Variants in SLC14A2 observed in about 807,000 individuals in gnomAD.
SLC14A2 encodes the protein urea transporter 2.
SLC14A2 carries 91 observed loss-of-function variants against 104.6 expected under a neutral mutation model. The observed-to-expected ratio is 0.87, with a 90% CI of 0.73 to 1.04. The LOEUF (loss-of-function observed/expected upper bound fraction) is 1.04. Ranked by LOEUF, SLC14A2 falls within the 50% of genes least tolerant of loss-of-function variation. SLC14A2 has a pLI of 0.00. For synonymous variants in SLC14A2, 476 were observed against 466.4 expected, an observed-to-expected ratio of 1.02 and a Z score of -0.27; for missense variants, 1,189 against 1,156.0, an observed-to-expected ratio of 1.03 and a Z score of -0.41.
Position 45,406,254 on chromosome 18 carries a change from G to A in SLC14A2, c.-124-76979G>A, listed in dbSNP as rs144081720. 1.4e-3 allele frequency among the ~76,000 whole-genome samples: 215 copies of A among 152,308 alleles called. 1 individual carries two copies. The highest frequency in any genetic ancestry group is 5.1e-3 in the African/African-American group (210 of 41,558). ...GTTCACAGTATCTCCACTAGGAGTA[G>A]ATTCCATCTCAAGGAACCACTTTCT... On this transcript the variant is annotated intron_variant, in intron 1 of 20. Coordinates refer to the SLC14A2 transcript ENST00000586448.
chr18:45,218,582 T>C (rs546134355), intron 1 of SLC14A2, among the ~76,000 whole-genome samples: 46 of 152,294 alleles, frequency 3.0e-4, no homozygotes, highest in Non-Finnish European at 1.9e-4. Flanking sequence ...CCACCAGAAA[T>C]AGCATTTCCT....
At chr18:45,350,848 A>T (rs998300026) in intron 1 of SLC14A2, among the ~76,000 whole-genome samples, 1 of 152,142 alleles carries the variant, frequency 6.6e-6, no homozygotes, top group African/African-American at 2.4e-5. Context: ...CAATATTTTT[A>T]CTGTTTAGGT....
chr18:45,656,077 A>C (rs1246767662), intron 10 of SLC14A2, among the ~76,000 whole-genome samples: 1 of 152,234 alleles, frequency 6.6e-6, no homozygotes, highest in East Asian at 1.9e-4. Context: ...GTTTCATTAG[A>C]TTGGAATGTA....
upstream of SLC14A2, among the ~76,000 whole-genome samples, chr18:45,613,322 A>T (rs2144458662): frequency 1.3e-5 from 2 of 152,284 alleles, 1 homozygote; most frequent in South Asian, 4.1e-4. Context: ...GCGCCTGGCC[A>T]GCAGTTTTTA....
chr18:45,628,943 C>T (rs1048802107), intron 4 of SLC14A2, among the ~76,000 whole-genome samples: 3 of 152,182 alleles, frequency 2.0e-5, no homozygotes, highest in African/African-American at 7.2e-5. Flanking sequence ...GTGAAGGGAA[C>T]AGAGTCCACA....
chr18:45,341,371 C>T (rs947072849), intron 1 of SLC14A2, among the ~76,000 whole-genome samples: 2 of 152,158 alleles, frequency 1.3e-5, no homozygotes, highest in Admixed American at 1.3e-4. Context: ...ACCTCATTTG[C>T]AGTCATGCAC....
chr18:45,679,019 T>C lies in SLC14A2; in HGVS notation c.2557T>C (p.Ser853Pro), dbSNP rs2046273220. 6.2e-7 allele frequency: 1 copy of C among 1,612,496 alleles called. No individual in the cohort carries two copies. Among genetic ancestry groups the C allele is most frequent in the Non-Finnish European group, 8.5e-7 (1 of 1,179,716 alleles). The change falls in exon 19 of 20, where the codon TCT becomes CCT. Residue 853 changes from serine (S) to proline (P), a missense_variant. Coordinates refer to ENST00000255226, the MANE Select transcript of SLC14A2 (RefSeq NM_007163.4). The stretch of plus-strand genomic sequence containing the variant: ...GGGTGCTGCCCTGGCTAACATGTTA[T>C]CTGTGGTGAGTCAACACAGGCTCAG... ...YLGAALANMLSVFGLPPCTWP... is the reference protein window; with the variant it reads ...YLGAALANMLPVFGLPPCTWP...
chr18:45,425,917 G>C (rs1381261149), intron 1 of SLC14A2, among the ~76,000 whole-genome samples: 1 of 151,964 alleles, frequency 6.6e-6, no homozygotes, highest in Admixed American at 6.6e-5. Flanking sequence ...GCTGTGTGCT[G>C]TCCCCGACTT....
chr18:45,438,042 C>T (rs1334581473), intron 1 of SLC14A2: 1 of 152,172 alleles, frequency 6.6e-6, no homozygotes, highest in Admixed American at 6.5e-5. Context: ...ATATGAGGGT[C>T]TGTGCTTGGA....
rs1272464585 is a variant in SLC14A2, at chr18:45,632,491, A to AT, written c.650+19dup. On this transcript the variant is annotated intron_variant, in intron 5 of 19. Transcript: ENST00000255226. ...CAGCCATGTCCTGGTGAGGCACCTC[A>AT]TTTTTTCTGCTCACAGCTCCATGGG... 5.0e-6 allele frequency: 8 copies of AT among 1,612,222 alleles called. No homozygotes were observed. Among genetic ancestry groups the AT allele is most frequent in the Non-Finnish European group, 6.8e-6 (8 of 1,179,274 alleles).
chr18:45,317,758 A>G (rs61374365), intron 1 of SLC14A2, among the ~76,000 whole-genome samples: 5,468 of 152,264 alleles, frequency 0.036, 153 homozygotes, highest in African/African-American at 0.076. Flanking sequence ...CCACACTCTG[A>G]ATGCCCTGGG....
chr18:45,368,884 T>C (rs2085693576), intron 1 of SLC14A2, among the ~76,000 whole-genome samples: 1 of 152,170 alleles, frequency 6.6e-6, no homozygotes, highest in Non-Finnish European at 1.5e-5. Context: ...TAAATTGGAA[T>C]TTTCAAAATT....
At chr18:45,406,785 C>G (rs1598766015) in intron 1 of SLC14A2, among the ~76,000 whole-genome samples, 1 of 152,102 alleles carries the variant, frequency 6.6e-6, no homozygotes, top group East Asian at 1.9e-4. Flanking sequence ...TCTTGAGTGA[C>G]TAGATACATT....
chr18:45,309,087 G>A (rs906849248), intron 1 of SLC14A2, among the ~76,000 whole-genome samples: 26 of 152,174 alleles, frequency 1.7e-4, no homozygotes, highest in African/African-American at 5.8e-4. Context: ...CAGTCATTGA[G>A]AGATTTGGTT....
chr18:45,194,438 TGTG>T, the SLC14A2 span, among the ~76,000 whole-genome samples: 1 of 152,170 alleles, frequency 6.6e-6, no homozygotes, highest in African/African-American at 2.4e-5. Flanking sequence ...GAAATGATCA[TGTG>T]GTTTATTTTT....
chr18:45,399,460 G>A (rs2086072097), intron 1 of SLC14A2, among the ~76,000 whole-genome samples: 2 of 152,122 alleles, frequency 1.3e-5, no homozygotes, highest in Non-Finnish European at 2.9e-5. Flanking sequence ...CACCTTCCTA[G>A]AGCCTTATAA....
chr18:45,223,856 A>G (rs2084087775), intron 1 of SLC14A2, among the ~76,000 whole-genome samples: 1 of 152,144 alleles, frequency 6.6e-6, no homozygotes, highest in African/African-American at 2.4e-5. Flanking sequence ...CTCTGGGGCA[A>G]CTCCAGGGAA....
At chr18:45,416,153 T>C (rs189913604) in intron 1 of SLC14A2, among the ~76,000 whole-genome samples, 1 of 152,266 alleles carries the variant, frequency 6.6e-6, no homozygotes, top group African/African-American at 2.4e-5. Flanking sequence ...GAGAGGTCTA[T>C]TATCTTAGAA....
chr18:45,179,073 A>T, the SLC14A2 span, among the ~76,000 whole-genome samples: 1,166 of 152,272 alleles, frequency 7.7e-3, 22 homozygotes, highest in African/African-American at 0.027. Context: ...GTTGCCTGAG[A>T]CAAAATGAAG....
Sources: gnomAD v4.1 joint callset for allele counts (sites outside exome capture counted in the v4.1 genomes callset) on GRCh38, gnomAD v4.1.1 for gene constraint, MANE v1.5 for transcripts, NCBI Gene and HGNC (gene_info 2026-07-23, HGNC 2026-07-21) for gene names.